The following MIR2052HG variants were observed in gnomAD, a reference collection of about 807,000 sequenced individuals.
The protein encoded by MIR2052HG is MIR2052 host gene.
chr8:74,686,831 G>T (rs1809186628), intron 2 of MIR2052HG, among the ~76,000 whole-genome samples: 1 of 152,036 alleles, frequency 6.6e-6, no homozygotes, highest in Non-Finnish European at 1.5e-5. Flanking sequence ...AACAGGAGAG[G>T]CAGTTGATAT....
chr8:74,627,204 T>C (rs1808448961), intron 2 of MIR2052HG, among the ~76,000 whole-genome samples: 1 of 152,216 alleles, frequency 6.6e-6, no homozygotes. Context: ...CAGGACACAT[T>C]ACAGTTTATA....
At chr8:74,613,550 T>C (rs1410910196) in intron 2 of MIR2052HG, among the ~76,000 whole-genome samples, 1 of 152,168 alleles carries the variant, frequency 6.6e-6, no homozygotes, top group Non-Finnish European at 1.5e-5. Flanking sequence ...AGTGGCAGGA[T>C]CTTGGCTCAC....
At chr8:74,717,081 G>A (rs1809527835) in intron 4 of MIR2052HG, among the ~76,000 whole-genome samples, 1 of 151,974 alleles carries the variant, frequency 6.6e-6, no homozygotes, top group African/African-American at 2.4e-5. Context: ...ATGGTGTTCT[G>A]CTGCACCTAT....
At chr8:74,625,757 C>T (rs1808425971) in intron 2 of MIR2052HG, among the ~76,000 whole-genome samples, 1 of 152,092 alleles carries the variant, frequency 6.6e-6, no homozygotes, top group African/African-American at 2.4e-5. Context: ...TATAATTTTT[C>T]CCCTTTCATT....
intron 2 of MIR2052HG, among the ~76,000 whole-genome samples, chr8:74,641,431 G>A (rs1808637770): frequency 6.6e-6 from 1 of 152,140 alleles, no homozygotes; most frequent in Admixed American, 6.5e-5. Flanking sequence ...GAAATGTCCA[G>A]TAGATCTTCC....
chr8:74,661,971 G>A (rs1389282523), intron 2 of MIR2052HG, among the ~76,000 whole-genome samples: 1 of 152,082 alleles, frequency 6.6e-6, no homozygotes, highest in African/African-American at 2.4e-5. Flanking sequence ...CATTACCAGT[G>A]ACAAAAATAT....
chr8:74,688,378 A>G (rs1343129445), intron 2 of MIR2052HG, among the ~76,000 whole-genome samples: 3 of 152,216 alleles, frequency 2.0e-5, no homozygotes, highest in Admixed American at 2.0e-4. Context: ...GATATAGAAG[A>G]CAGTTTCTGT....
intron 4 of MIR2052HG, among the ~76,000 whole-genome samples, chr8:74,716,312 C>T (rs1809521076): frequency 6.6e-6 from 1 of 152,158 alleles, no homozygotes; most frequent in Non-Finnish European, 1.5e-5. Flanking sequence ...GCATCTGCTA[C>T]AATTGGTTAA....
intron 2 of MIR2052HG, among the ~76,000 whole-genome samples, chr8:74,630,148 T>C (rs988745807): frequency 6.6e-6 from 1 of 152,194 alleles, no homozygotes; most frequent in Non-Finnish European, 1.5e-5. Flanking sequence ...TTGTATCTGA[T>C]AATAATGCTA....
chr8:74,729,806 C>T (rs1030274736), intron 4 of MIR2052HG, among the ~76,000 whole-genome samples: 1 of 152,220 alleles, frequency 6.6e-6, no homozygotes, highest in South Asian at 2.1e-4. Flanking sequence ...CTTCCTCTTA[C>T]CTCCATCAAA....
chr8:74,622,899 T>G (rs946853372), intron 2 of MIR2052HG, among the ~76,000 whole-genome samples: 14 of 151,798 alleles, frequency 9.2e-5, no homozygotes, highest in African/African-American at 3.4e-4. Flanking sequence ...GAGCATTACC[T>G]TAAGTGAAAT....
intron 4 of MIR2052HG, among the ~76,000 whole-genome samples, chr8:74,706,627 C>T (rs16938937): frequency 0.031 from 4,707 of 152,036 alleles, 147 homozygotes; most frequent in African/African-American, 0.069. Flanking sequence ...TTGCTGGCAA[C>T]GAGAGCAGGT....
intron 2 of MIR2052HG, among the ~76,000 whole-genome samples, chr8:74,658,397 T>C (rs1808828231): frequency 6.6e-6 from 1 of 152,000 alleles, no homozygotes; most frequent in Admixed American, 6.6e-5. Flanking sequence ...CTCTTTTTTT[T>C]TTTTTCTTTT....
chr8:74,637,677 C>T (rs1025568848), intron 2 of MIR2052HG, among the ~76,000 whole-genome samples: 2 of 152,076 alleles, frequency 1.3e-5, no homozygotes, highest in African/African-American at 4.8e-5. Flanking sequence ...TTCAAATCTC[C>T]CCTACTCTCC....
rs369467292 is a variant in MIR2052HG, at chr8:74,650,855, C to T, written n.216+37915C>T. 1.4e-4 allele frequency among the ~76,000 whole-genome samples: 22 copies of T among 152,244 alleles called. No homozygotes were observed. In the South Asian group the frequency reaches 1.9e-3, roughly 13 times the overall value. ...GTCTGGTCAGCCACCAGCATGGACT[C>T]GGAATGCATAAGCCCTGGTTTTATT... On this transcript the variant is annotated intron_variant and non_coding_transcript_variant, in intron 2 of 6. Transcript: ENST00000523442.
At chr8:74,658,155 C>A (rs368465019) in intron 2 of MIR2052HG, among the ~76,000 whole-genome samples, 1 of 152,136 alleles carries the variant, frequency 6.6e-6, no homozygotes. Context: ...TGTCTTTAAT[C>A]TTCTCAGTGA....
chr8:74,639,505 T>C (rs74354703), intron 2 of MIR2052HG, among the ~76,000 whole-genome samples: 1,995 of 152,250 alleles, frequency 0.013, 40 homozygotes, highest in African/African-American at 0.045. Context: ...GCACAACTGG[T>C]CACATAGAGT....
At chr8:74,755,303 T>C (rs1024774485) in intron 5 of MIR2052HG, among the ~76,000 whole-genome samples, 24 of 152,342 alleles carry the variant, frequency 1.6e-4, no homozygotes, top group African/African-American at 5.8e-4. Flanking sequence ...TTTGAAGTGA[T>C]GGGTATGTGT....
chr8:74,604,888 C>A (rs748952783), intron 1 of MIR2052HG, among the ~76,000 whole-genome samples: 22 of 152,082 alleles, frequency 1.4e-4, no homozygotes, highest in Non-Finnish European at 2.8e-4. Context: ...GCCACCGCAC[C>A]CGGCCGTTTC....
Sources: gnomAD v4.1 joint callset for allele counts (sites outside exome capture counted in the v4.1 genomes callset) on GRCh38, gnomAD v4.1.1 for gene constraint, MANE v1.5 for transcripts, NCBI Gene and HGNC (gene_info 2026-07-23, HGNC 2026-07-21) for gene names.